The following NPR3 variants were observed in gnomAD, a reference collection of about 807,000 sequenced individuals.
The protein encoded by NPR3 is atrial natriuretic peptide receptor 3.
In NPR3, 34 loss-of-function variants were observed where a neutral mutation model predicts 54.5. The observed-to-expected ratio is 0.62, with a 90% CI of 0.47 to 0.83. The LOEUF is 0.83. Among genes scored for constraint, NPR3 ranks in the 40% least tolerant of loss-of-function variants. NPR3 has a pLI of 0.00. For synonymous variants in NPR3, 289 were observed against 297.1 expected, an observed-to-expected ratio of 0.97 and a Z score of 0.28; for missense variants, 674 against 720.8, an observed-to-expected ratio of 0.94 and a Z score of 0.74.
intron 2 of NPR3, among the ~76,000 whole-genome samples, chr5:32,728,827 G>GTATATATATA (rs1221764954): frequency 1.2e-5 from 1 of 81,132 alleles, no homozygotes; most frequent in Non-Finnish European, 2.5e-5. Flanking sequence ...GTGTGTGTGT[G>GTATATATATA]TGTGTGTGTG....
chr5:32,704,335 G>T (rs1335793092), intron 1 of NPR3, among the ~76,000 whole-genome samples: 1 of 151,292 alleles, frequency 6.6e-6, no homozygotes, highest in African/African-American at 2.4e-5. Context: ...TTTATCATCT[G>T]GTTTTTGGTT....
At chr5:32,719,836 T>A (rs1212766442) in intron 1 of NPR3, among the ~76,000 whole-genome samples, 1 of 151,608 alleles carries the variant, frequency 6.6e-6, no homozygotes, top group Non-Finnish European at 1.5e-5. Context: ...CCTTGGCCAC[T>A]TTTAAAGTTA....
In NPR3 at chr5:32,729,820, A is replaced by G. The variant is rs567182940; in HGVS notation, c.892+5000A>G. 3.1e-4 allele frequency among the ~76,000 whole-genome samples: 47 copies of G among 152,350 alleles called. 1 individual carries two copies. Among genetic ancestry groups the G allele is most frequent in the African/African-American group, 1.1e-3 (47 of 41,596 alleles). ...TGTTTGTCATTGACTGAAATGTTAT[A>G]TGGGGCATGACTGTACATATTTTAC... On this transcript the variant is annotated intron_variant, in intron 2 of 7. Coordinates refer to ENST00000265074, the MANE Select transcript of NPR3 (RefSeq NM_001204375.2).
intron 3 of NPR3, among the ~76,000 whole-genome samples, chr5:32,755,664 T>C (rs1483138125): frequency 1.3e-5 from 2 of 152,176 alleles, no homozygotes; most frequent in Non-Finnish European, 2.9e-5. Flanking sequence ...TAACCCTGCT[T>C]GAATGGATGG....
chr5:32,755,625 G>A (rs966725367), intron 3 of NPR3, among the ~76,000 whole-genome samples: 3 of 152,158 alleles, frequency 2.0e-5, no homozygotes, highest in Non-Finnish European at 4.4e-5. Flanking sequence ...AACTAGAGAC[G>A]CATTAGACAC....
intron 4 of NPR3, among the ~76,000 whole-genome samples, chr5:32,778,424 C>A (rs546721286): frequency 1.3e-5 from 2 of 152,204 alleles, no homozygotes; most frequent in East Asian, 3.9e-4. Context: ...CTTGAATGGT[C>A]ACCATTAAGT....
At chr5:32,783,423 T>C (rs1010367251) in intron 6 of NPR3, 1 of 165,298 alleles carries the variant, frequency 6.0e-6, no homozygotes, top group African/African-American at 2.4e-5. Flanking sequence ...TAACATCCTT[T>C]AAACATCTGA....
chr5:32,714,148 A>T (rs779967853), intron 1 of NPR3, among the ~76,000 whole-genome samples: 6 of 150,582 alleles, frequency 4.0e-5, no homozygotes, highest in Non-Finnish European at 5.9e-5. Flanking sequence ...GCTAGAAGTC[A>T]GAGACTTCCC....
chr5:32,711,243 C>T (rs913528270), upstream of NPR3: 1 of 625,204 alleles, frequency 1.6e-6, no homozygotes, highest in Non-Finnish European at 2.0e-6. Flanking sequence ...AACACAAGCC[C>T]GGCCTCGGCG....
intron 2 of NPR3, among the ~76,000 whole-genome samples, chr5:32,733,862 C>T (rs11744078): frequency 0.059 from 8,928 of 152,164 alleles, 308 homozygotes; most frequent in Non-Finnish European, 0.072. Flanking sequence ...TCTTAGAACA[C>T]CCAAACTCTG....
At chr5:32,739,183 G>C (rs817898) in intron 3 of NPR3, among the ~76,000 whole-genome samples, 153 bp downstream of exon 3, 18 of 130,248 alleles carry the variant, frequency 1.4e-4, no homozygotes, top group African/African-American at 4.9e-4. Context: ...GTGTGTGTGT[G>C]TTTTTTTTTT....
chr5:32,713,909 T>G (rs1738401809), intron 1 of NPR3, among the ~76,000 whole-genome samples: 1 of 152,204 alleles, frequency 6.6e-6, no homozygotes, highest in Admixed American at 6.5e-5. Flanking sequence ...TGTGCCGAAT[T>G]CCTACCAGCC....
chr5:32,710,760 G>C, upstream of NPR3: 1 of 1,548,338 alleles, frequency 6.5e-7, no homozygotes. Flanking sequence ...TGCTTCAGGA[G>C]GGAATGTGGC....
chr5:32,738,685 C>G (rs1426186188), intron 2 of NPR3, among the ~76,000 whole-genome samples, 179 bp from the exon 3 acceptor site: 1 of 152,154 alleles, frequency 6.6e-6, no homozygotes, highest in East Asian at 1.9e-4. Context: ...GTCCAAAGGG[C>G]CTTCTTCTCC....
rs1017324691 is a variant in NPR3 at position 32,791,529 on chromosome 5, G to A, written c.*5184G>A. The stretch of plus-strand genomic sequence containing the variant: ...TTTTGTGTAGAAAAGGAGAACTAAT[G>A]ACTGTGGATATAACCCATGTTTTGT... On this transcript the variant is annotated 3_prime_UTR_variant, in exon 8 of 8. Coordinates refer to ENST00000265074, the MANE Select transcript of NPR3 (RefSeq NM_001204375.2). 6.0e-6 allele frequency: 1 copy of A among 167,068 alleles called. No homozygotes were observed. The highest frequency in any genetic ancestry group is 1.5e-5 in the Non-Finnish European group (1 of 68,106). 10.3% of individuals were successfully genotyped at this position (167,068 alleles called of 1,614,324 possible). A position where few individuals can be genotyped will look rare whatever the true frequency, so the allele number is the denominator to read the frequency against.
At chr5:32,728,889 A>G (rs1302847159) in intron 2 of NPR3, among the ~76,000 whole-genome samples, 1 of 139,388 alleles carries the variant, frequency 7.2e-6, no homozygotes, top group Non-Finnish European at 1.5e-5. Flanking sequence ...AAAATGAGAC[A>G]TCTTGGAGAT....
At chr5:32,718,448 G>A (rs1378861598) in intron 1 of NPR3, among the ~76,000 whole-genome samples, 1 of 152,176 alleles carries the variant, frequency 6.6e-6, no homozygotes, top group Non-Finnish European at 1.5e-5. Context: ...CCATTTTCAT[G>A]ATATTGATTC....
chr5:32,724,677 T>C (rs1004645010), intron 1 of NPR3, 21 bp from the exon 2 acceptor site: 15 of 1,613,652 alleles, frequency 9.3e-6, no homozygotes, highest in Non-Finnish European at 1.3e-5. Flanking sequence ...GCCTCATGTG[T>C]GTTGTTTGTT....
intron 2 of NPR3, among the ~76,000 whole-genome samples, chr5:32,737,549 G>A (rs1436667513): frequency 6.6e-6 from 1 of 152,094 alleles, no homozygotes; most frequent in Non-Finnish European, 1.5e-5. Context: ...GGGGGCTTGG[G>A]GTAAACAAAT....
Sources: gnomAD v4.1 joint callset for allele counts (sites outside exome capture counted in the v4.1 genomes callset) on GRCh38, gnomAD v4.1.1 for gene constraint, MANE v1.5 for transcripts, NCBI Gene and HGNC (gene_info 2026-07-23, HGNC 2026-07-21) for gene names.